CLVS1: variants seen among roughly 807,000 people sequenced by gnomAD.
CLVS1 encodes clavesin-1.
Under a neutral mutation model 33.1 loss-of-function variants are expected in CLVS1, and 10 were observed. That is an observed-to-expected ratio of 0.30 (90% CI 0.19 to 0.51). The LOEUF (loss-of-function observed/expected upper bound fraction) is 0.51, where lower values mean the gene tolerates loss of function less well. Ranked by LOEUF, CLVS1 falls within the 20% of genes least tolerant of loss-of-function variation. The pLI, the probability that CLVS1 is intolerant of heterozygous loss-of-function variation, is 0.97. For synonymous variants in CLVS1, 163 were observed against 166.1 expected (o/e 0.98, Z 0.14); for missense variants, 343 against 433.4 (o/e 0.79, Z 1.85).
intron 2 of CLVS1, among the ~76,000 whole-genome samples, chr8:61,135,818 G>A: frequency 6.6e-6 from 1 of 152,220 alleles, no homozygotes; most frequent in Non-Finnish European, 1.5e-5. Context: ...CCTCACAAAA[G>A]AAAAGAGCCT....
the CLVS1 span, among the ~76,000 whole-genome samples, chr8:61,049,867 G>T: frequency 6.6e-6 from 1 of 152,246 alleles, no homozygotes; most frequent in African/African-American, 2.4e-5. Context: ...CGCTGAAACT[G>T]TGTTTCTATT....
intron 1 of CLVS1, among the ~76,000 whole-genome samples, chr8:61,124,216 G>C (rs1001398764): frequency 3.3e-5 from 5 of 152,142 alleles, no homozygotes; most frequent in African/African-American, 7.2e-5. Context: ...AATCCAGTGT[G>C]GTTGAGTTTT....
intron 3 of CLVS1, among the ~76,000 whole-genome samples, chr8:61,442,683 T>A (rs1816601873): frequency 6.6e-6 from 1 of 152,150 alleles, no homozygotes; most frequent in South Asian, 2.1e-4. Flanking sequence ...CACCACAACC[T>A]CCACCTCCCG....
At chr8:61,468,644 C>T (rs1817634128) in intron 5 of CLVS1, among the ~76,000 whole-genome samples, 1 of 150,784 alleles carries the variant, frequency 6.6e-6, no homozygotes. Context: ...CTGGAGGCCC[C>T]TCCCTGGTGC....
At chr8:61,323,524 A>C (rs955811350) in intron 2 of CLVS1, among the ~76,000 whole-genome samples, 6 of 152,188 alleles carry the variant, frequency 3.9e-5, no homozygotes, top group African/African-American at 1.4e-4. Context: ...TCTCATATGC[A>C]AAATATAGTC....
chr8:61,074,252 T>G (rs897359820), intron 1 of CLVS1, among the ~76,000 whole-genome samples: 1 of 150,264 alleles, frequency 6.7e-6, no homozygotes, highest in Non-Finnish European at 1.5e-5. Context: ...GTGAGAGGAC[T>G]GATTGAGCCA....
At chr8:61,329,562 A>T (rs1010298324) in intron 2 of CLVS1, among the ~76,000 whole-genome samples, 4 of 152,250 alleles carry the variant, frequency 2.6e-5, no homozygotes, top group Admixed American at 2.6e-4. Context: ...AAGGTGATGG[A>T]TGCCCCAATT....
At chr8:61,216,796 C>T (rs1194711458) in intron 2 of CLVS1, among the ~76,000 whole-genome samples, 1 of 152,168 alleles carries the variant, frequency 6.6e-6, no homozygotes, top group Non-Finnish European at 1.5e-5. Flanking sequence ...TCCCGATAGC[C>T]TAGCAGATAG....
chr8:61,497,442 T>TGGGGGG (rs59855401), intron 5 of CLVS1, among the ~76,000 whole-genome samples: 5 of 127,524 alleles, frequency 3.9e-5, no homozygotes, highest in Non-Finnish European at 3.3e-5. Flanking sequence ...AGGTTTTTAT[T>TGGGGGG]GGGGGGGGGG....
chr8:61,417,783 G>C (rs757588570), intron 3 of CLVS1, among the ~76,000 whole-genome samples: 4 of 152,110 alleles, frequency 2.6e-5, no homozygotes, highest in Non-Finnish European at 5.9e-5. Flanking sequence ...TGTGGCCTGA[G>C]AGCCATCTGA....
chr8:61,102,097 A>C (rs1805461300), intron 1 of CLVS1, among the ~76,000 whole-genome samples: 1 of 152,024 alleles, frequency 6.6e-6, no homozygotes, highest in African/African-American at 2.4e-5. Context: ...TTTTCATATA[A>C]ATTTTGGGAT....
chr8:61,361,134 C>T (rs1325487134), intron 2 of CLVS1, among the ~76,000 whole-genome samples: 2 of 152,118 alleles, frequency 1.3e-5, no homozygotes, highest in African/African-American at 2.4e-5. Flanking sequence ...ACCAGGACAC[C>T]ACCAAGGGGA....
At chr8:61,027,735 A>G in the CLVS1 span, among the ~76,000 whole-genome samples, 653 of 152,220 alleles carry the variant, frequency 4.3e-3, 2 homozygotes, top group African/African-American at 0.015. Context: ...TGTATTTTCA[A>G]TATCCAGTGT....
At chr8:61,189,041 C>T (rs142003263) in intron 2 of CLVS1, among the ~76,000 whole-genome samples, 2,685 of 151,998 alleles carry the variant, frequency 0.018, 37 homozygotes, top group African/African-American at 0.028. Context: ...ACATACTCCT[C>T]GAGAAGAGCA....
At chr8:61,041,653 C>T in the CLVS1 span, among the ~76,000 whole-genome samples, 1 of 152,070 alleles carries the variant, frequency 6.6e-6, no homozygotes, top group South Asian at 2.1e-4. Flanking sequence ...TATATAAATG[C>T]TACTCTGTGC....
chr8:61,088,588 C>T (rs1036368900), intron 1 of CLVS1, among the ~76,000 whole-genome samples: 2 of 150,610 alleles, frequency 1.3e-5, no homozygotes, highest in African/African-American at 4.9e-5. Flanking sequence ...GTGCTTTAAA[C>T]ATTTTTAAAA....
rs139303078 is a variant in CLVS1, at chr8:61,187,689, T to G, written c.-152+55829T>G. On this transcript the variant is annotated intron_variant, in intron 2 of 2. Transcript: ENST00000522621. ...TCCAGCAATGTCAGGCTTGGTTGCT[T>G]GGACCAGCTGTCTCAGTAAAAACAG... Among the ~76,000 whole-genome samples the G allele has an allele frequency of 7.7e-3, 1,167 of 152,024 alleles. 14 individuals carry two copies. Among genetic ancestry groups the G allele is most frequent in the African/African-American group, 0.027 (1,101 of 41,496 alleles).
At chr8:61,036,044 C>T in the CLVS1 span, among the ~76,000 whole-genome samples, 12 of 152,184 alleles carry the variant, frequency 7.9e-5, no homozygotes, top group African/African-American at 2.4e-4. Flanking sequence ...CCTGCCACCA[C>T]GGCCTCCACC....
chr8:61,338,943 G>T (rs1364134521), intron 2 of CLVS1, among the ~76,000 whole-genome samples: 3 of 151,714 alleles, frequency 2.0e-5, no homozygotes, highest in African/African-American at 7.3e-5. Context: ...AGGTCAGTAG[G>T]CTTGGCCACC....
Sources: gnomAD v4.1 joint callset for allele counts (sites outside exome capture counted in the v4.1 genomes callset) on GRCh38, gnomAD v4.1.1 for gene constraint, MANE v1.5 for transcripts, NCBI Gene and HGNC (gene_info 2026-07-23, HGNC 2026-07-21) for gene names.